Variants in WNK1 observed in about 807,000 individuals in gnomAD.
The protein encoded by WNK1 is serine/threonine-protein kinase WNK1.
WNK1 carries 38 observed loss-of-function variants against 222.8 expected under a neutral mutation model. The observed-to-expected ratio is 0.17, with a 90% CI of 0.13 to 0.22. The LOEUF (loss-of-function observed/expected upper bound fraction) is 0.22. WNK1 is among the 10% of genes least tolerant of loss of function. WNK1 has a pLI of 1.00. For missense variants in WNK1, 2,348 were observed against 2,918.4 expected, an observed-to-expected ratio of 0.80 and a Z score of 4.50; for synonymous variants, 1,090 against 1,092.9, an observed-to-expected ratio of 1.00 and a Z score of 0.05.
chr12:844,279 G>T (rs1285468971), intron 4 of WNK1, among the ~76,000 whole-genome samples: 1 of 152,050 alleles, frequency 6.6e-6, no homozygotes, highest in Non-Finnish European at 1.5e-5. Flanking sequence ...GGGACAATAG[G>T]CATGGGCCAC....
In WNK1 at chr12:880,712, C is replaced by A. The variant is rs774484108; in HGVS notation, c.2833-9C>A. 7 of 1,611,980 alleles carry A rather than the reference C, an allele frequency of 4.3e-6. No homozygotes were observed. The South Asian group carries it at 7.7e-5, about 18-fold the overall frequency. ...CTGCTCTAACTCACCTTCCTCATTTCTGTCACAGGGCTTCCCACCTCGACT... is the reference window on the plus strand; with the variant it reads ...CTGCTCTAACTCACCTTCCTCATTTATGTCACAGGGCTTCCCACCTCGACT... On this transcript the variant is annotated splice_polypyrimidine_tract_variant and intron_variant, in intron 11 of 27. Transcript: ENST00000315939.
At chr12:891,592 G>A (rs963644117) in intron 22 of WNK1, among the ~76,000 whole-genome samples, 2 of 148,500 alleles carry the variant, frequency 1.3e-5, no homozygotes, top group Admixed American at 6.7e-5. Flanking sequence ...ATCATAAGGG[G>A]ATTTTTTTTC....
intron 1 of WNK1, among the ~76,000 whole-genome samples, chr12:793,009 A>G (rs748519297): frequency 7.2e-5 from 11 of 152,212 alleles, no homozygotes; most frequent in Non-Finnish European, 1.3e-4. Flanking sequence ...AAATGAGACT[A>G]CATGTGGACA....
At chr12:861,498 T>C (rs949731044) in intron 7 of WNK1, among the ~76,000 whole-genome samples, 155 bp downstream of exon 7, 4 of 152,212 alleles carry the variant, frequency 2.6e-5, no homozygotes, top group African/African-American at 9.6e-5. Context: ...TCTTTATTCT[T>C]ATATCTGTGA....
intron 4 of WNK1, among the ~76,000 whole-genome samples, chr12:841,613 C>T (rs1263026873): frequency 3.9e-5 from 6 of 152,140 alleles, no homozygotes; most frequent in African/African-American, 1.4e-4. Context: ...ATGTTTTAGT[C>T]CATTTGGGCT....
chr12:800,680 G>T (rs907049467), intron 1 of WNK1, among the ~76,000 whole-genome samples: 1 of 152,126 alleles, frequency 6.6e-6, no homozygotes, highest in Admixed American at 6.5e-5. Flanking sequence ...TGTATTTAGA[G>T]CTCATAGTAA....
rs1458918451 is a variant in WNK1, at chr12:896,353, G to A, written c.5866G>A (p.Gly1956Ser). Residue 1956 changes from glycine to serine, a missense_variant, in exon 24 of 28, where the codon GGT becomes AGT. Coordinates refer to ENST00000315939, the MANE Select transcript of WNK1 (RefSeq NM_018979.4). ...FQVTTTANKVGRFSVSKTEDK... is the reference protein window; with the variant it reads ...FQVTTTANKVSRFSVSKTEDK... ...GGTGACAACTACAGCAAACAAAGTG[G>A]GTCGTTTCTCTGTATCAAAAACTGA... 2 of 1,614,036 alleles carry A rather than the reference G, an allele frequency of 1.2e-6. No individual in the cohort carries two copies. The highest frequency in any genetic ancestry group is 1.7e-6 in the Non-Finnish European group (2 of 1,180,042).
At chr12:834,489 G>A (rs1780631711) in intron 4 of WNK1, among the ~76,000 whole-genome samples, 1 of 152,144 alleles carries the variant, frequency 6.6e-6, no homozygotes, top group Admixed American at 6.5e-5. Flanking sequence ...GTAATATCCA[G>A]GATTCAATGG....
Position 878,365 on chromosome 12 carries a change from A to C in WNK1, c.2373+4A>C, listed in dbSNP as rs1265959857. 1 of 1,556,860 alleles carries C rather than the reference A, an allele frequency of 6.4e-7. No individual in the cohort carries two copies. Among genetic ancestry groups the C allele is most frequent in the South Asian group, 1.1e-5 (1 of 89,086 alleles). ...TCAAGTATCAGCTGGAAAACAGGTA[A>C]ACTTTTTTTTTTTTTTTAAACAGGT... On this transcript the variant is annotated splice_donor_region_variant and intron_variant, in intron 10 of 27. Transcript: ENST00000315939.
chr12:875,883 A>G (rs1436201584), intron 9 of WNK1, among the ~76,000 whole-genome samples: 2 of 152,218 alleles, frequency 1.3e-5, no homozygotes, highest in Non-Finnish European at 2.9e-5. Flanking sequence ...AATGAGTTAG[A>G]TAATTATAGA....
chr12:830,443 A>G (rs994790931), intron 4 of WNK1, among the ~76,000 whole-genome samples: 5 of 152,190 alleles, frequency 3.3e-5, no homozygotes, highest in African/African-American at 1.2e-4. Context: ...TTAACCCCCT[A>G]TTAATTCAGC....
chr12:887,375 T>C, intron 20 of WNK1, 71 bp downstream of exon 20: 1 of 1,488,238 alleles, frequency 6.7e-7, no homozygotes, highest in Non-Finnish European at 9.4e-7. Flanking sequence ...AGTTCTCCAC[T>C]ACGTGGTCTT....
chr12:762,381 A>G (rs1464290469), intron 1 of WNK1, among the ~76,000 whole-genome samples: 1 of 147,798 alleles, frequency 6.8e-6, no homozygotes, highest in African/African-American at 2.4e-5. Flanking sequence ...TAAATTACTT[A>G]TAATACCTAA....
chr12:903,960 G>A lies in WNK1; in HGVS notation c.6643+3290G>A, dbSNP rs1189380742. Among the ~76,000 whole-genome samples, 5 of 152,322 alleles carry A rather than the reference G, an allele frequency of 3.3e-5. No individual in the cohort carries two copies. The East Asian group carries it at 7.7e-4, about 23-fold the overall frequency. On this transcript the variant is annotated intron_variant, in intron 26 of 27. Transcript: ENST00000315939. ...GGGTTAGTATATATATGTGGGATGT[G>A]GAAATATAATAGCCAATTTAAATGA...
chr12:799,485 C>G (rs1945669065), intron 1 of WNK1, among the ~76,000 whole-genome samples: 1 of 152,000 alleles, frequency 6.6e-6, no homozygotes, highest in Non-Finnish European at 1.5e-5. Context: ...TAATCATTTT[C>G]TCTTCTTGCT....
At chr12:901,120 A>G (rs1955217013) in intron 26 of WNK1, 2 of 285,986 alleles carry the variant, frequency 7.0e-6, no homozygotes, top group Non-Finnish European at 1.4e-5. Context: ...CTACTTTCCA[A>G]ATATAGCTCT....
intron 1 of WNK1, among the ~76,000 whole-genome samples, chr12:802,933 G>T (rs1036668592): frequency 3.3e-5 from 5 of 152,254 alleles, no homozygotes; most frequent in Middle Eastern, 3.4e-3. Context: ...CAATAAATAA[G>T]AGACATTTTC....
chr12:755,638 A>T (rs1358475091), intron 1 of WNK1, among the ~76,000 whole-genome samples: 1 of 151,344 alleles, frequency 6.6e-6, no homozygotes, highest in Non-Finnish European at 1.5e-5. Context: ...AAAAAAAAAA[A>T]CCTCGTCAAA....
intron 8 of WNK1, chr12:867,699 T>C (rs371896378): frequency 1.4e-5 from 11 of 779,614 alleles, no homozygotes; most frequent in African/African-American, 8.7e-5. Context: ...ATGTATTTAA[T>C]GGATTTTTAC....
Sources: allele counts gnomAD v4.1 joint callset (sites outside exome capture counted in the v4.1 genomes callset), GRCh38; gene constraint gnomAD v4.1.1; transcripts MANE v1.5; gene names NCBI Gene and HGNC (gene_info 2026-07-23, HGNC 2026-07-21).